Variants in IRAK1BP1 observed in about 807,000 individuals in gnomAD.
IRAK1BP1 encodes interleukin-1 receptor-associated kinase 1-binding protein 1.
A neutral mutation model predicts 28.0 loss-of-function variants in IRAK1BP1; 24 were observed. That is an observed-to-expected ratio of 0.86 (90% confidence interval 0.62 to 1.20). The LOEUF is 1.20. IRAK1BP1 is among the 50% of genes most tolerant of loss of function. The pLI is 0.00. For synonymous variants in IRAK1BP1, 131 were observed against 116.3 expected (o/e 1.13, Z -0.81); for missense variants, 336 against 316.7 (o/e 1.06, Z -0.46).
In IRAK1BP1 at chr6:78,898,327, AC is replaced by A; in HGVS notation, c.778del (p.Leu260PhefsTer41). ...AAGGGAAAAGAGAAGAGAAAAAAGC[AC>A]CTTTGAAATTCCAAACAAATTATAT... ...EVKGKEKRKKHL is the reference protein window; with the variant it reads ...EVKGKEKRKKXL On this transcript the variant is annotated frameshift_variant, in exon 4 of 4. Transcript: ENST00000369940. LOFTEE classifies it high-confidence loss of function. 6.5e-7 allele frequency: 1 copy of A among 1,527,078 alleles called. No individual in the cohort carries two copies. Among genetic ancestry groups the A allele is most frequent in the Non-Finnish European group, 8.9e-7 (1 of 1,126,898 alleles). 94.6% of individuals were successfully genotyped at this position (1,527,078 alleles called of 1,614,324 possible). A position where few individuals can be genotyped will look rare whatever the true frequency, so the allele number is the denominator to read the frequency against.
downstream of IRAK1BP1, among the ~76,000 whole-genome samples, chr6:78,906,615 A>G (rs1452910468): frequency 2.0e-5 from 3 of 152,178 alleles, no homozygotes; most frequent in African/African-American, 7.2e-5. Flanking sequence ...TTATTGACTC[A>G]CATTCCTCTA....
At chr6:78,952,456 A>G in the IRAK1BP1 span, among the ~76,000 whole-genome samples, 7 of 150,600 alleles carry the variant, frequency 4.6e-5, no homozygotes, top group Non-Finnish European at 7.4e-5. Context: ...AAAAAAAGGA[A>G]AAAAAAATTC....
At chr6:78,929,052 T>C (rs1181609328) in intron 4 of IRAK1BP1, among the ~76,000 whole-genome samples, 1 of 152,208 alleles carries the variant, frequency 6.6e-6, no homozygotes, top group Non-Finnish European at 1.5e-5. Context: ...TATTCCCTCC[T>C]CCTGTATTTT....
At chr6:78,950,870 T>C (rs2127686689), downstream of IRAK1BP1, among the ~76,000 whole-genome samples, 1 of 152,286 alleles carries the variant, frequency 6.6e-6, no homozygotes, top group East Asian at 1.9e-4. Flanking sequence ...TATTTCCTTT[T>C]GTTGGCTTAC....
intron 1 of IRAK1BP1, among the ~76,000 whole-genome samples, chr6:78,884,236 A>G (rs144782546): frequency 2.6e-5 from 4 of 152,182 alleles, no homozygotes; most frequent in African/African-American, 9.6e-5. Context: ...TAATTAGTTT[A>G]TATCTTAAAA....
rs147828969 is a variant in IRAK1BP1 at position 78,902,726 on chromosome 6, G to C, written c.*4392G>C. On this transcript the variant is annotated 3_prime_UTR_variant, in exon 4 of 4. Transcript: ENST00000369940. ...GCAGAGCTTACAGTGAGCCGAGATC[G>C]CACCACTGCACTTCAGCCTGGGTGA... 1 of 316,792 alleles carries C rather than the reference G, an allele frequency of 3.2e-6. No individual in the cohort carries two copies. The highest frequency in any genetic ancestry group is 5.3e-5 in the East Asian group (1 of 19,008). 19.6% of individuals were successfully genotyped at this position (316,792 alleles called of 1,614,324 possible). A position where few individuals can be genotyped will look rare whatever the true frequency, so the allele number is the denominator to read the frequency against.
Position 78,880,430 on chromosome 6 carries a change from C to T in IRAK1BP1, c.316-4948C>T, listed in dbSNP as rs541994007. On this transcript the variant is annotated intron_variant, in intron 1 of 3. Coordinates refer to ENST00000369940, the MANE Select transcript of IRAK1BP1 (RefSeq NM_001010844.4). ...ATGCTCAACCTGTGTTACCAAAAAG[C>T]ACAGTCCATGAAACAAACAAAAAGA... Among the ~76,000 whole-genome samples, 24 of 152,234 alleles carry T rather than the reference C, an allele frequency of 1.6e-4. 1 individual carries two copies. In the East Asian group the frequency reaches 4.4e-3, roughly 28 times the overall value.
chr6:78,877,942 G>C lies in IRAK1BP1; in HGVS notation c.316-7436G>C, dbSNP rs370647543. 5.9e-5 allele frequency among the ~76,000 whole-genome samples: 9 copies of C among 151,882 alleles called. No individual in the cohort carries two copies. The East Asian group carries it at 1.4e-3, about 23-fold the overall frequency. ...CTGTAAGGCAGCAGTGAGGGAGGGGGAGGGGCTCCGCCATTGCTGAGGCTT... is the reference window on the plus strand; with the variant it reads ...CTGTAAGGCAGCAGTGAGGGAGGGGCAGGGGCTCCGCCATTGCTGAGGCTT... On this transcript the variant is annotated intron_variant, in intron 1 of 3. Coordinates refer to ENST00000369940, the MANE Select transcript of IRAK1BP1 (RefSeq NM_001010844.4).
chr6:78,898,411 A>AATATATAT lies in IRAK1BP1; in HGVS notation c.*104_*111dup, dbSNP rs58937738. 3,596 of 86,316 alleles carry AATATATAT rather than the reference A, an allele frequency of 0.042. 298 individuals are homozygous for AATATATAT. Among genetic ancestry groups the AATATATAT allele is most frequent in the African/African-American group, 0.067 (1,029 of 15,392 alleles). The allele number at this position is 86,316 out of a possible 1,614,324, so 5.3% of individuals were successfully genotyped here. On this transcript the variant is annotated 3_prime_UTR_variant, in exon 4 of 4. Coordinates refer to ENST00000369940, the MANE Select transcript of IRAK1BP1 (RefSeq NM_001010844.4). Reference sequence around the variant, plus strand: ...TTTTATAATGTTTACGTTTGTCCTGAATATATATATATATATATATATATA... The same window carrying AATATATAT: ...TTTTATAATGTTTACGTTTGTCCTGAATATATATATATATATATATATATATATATATA...
chr6:78,888,355 C>T (rs1192026501), intron 2 of IRAK1BP1, among the ~76,000 whole-genome samples: 2 of 149,878 alleles, frequency 1.3e-5, no homozygotes, highest in Non-Finnish European at 3.0e-5. Flanking sequence ...TGTTATCATA[C>T]ACATACACAA....
At chr6:78,967,906 G>A in the IRAK1BP1 span, among the ~76,000 whole-genome samples, 7 of 152,076 alleles carry the variant, frequency 4.6e-5, no homozygotes, top group East Asian at 5.8e-4. Flanking sequence ...AGGCTGAGGC[G>A]GGCGGATCAC....
downstream of IRAK1BP1, among the ~76,000 whole-genome samples, chr6:78,949,686 C>CTT (rs374657247): frequency 6.8e-6 from 1 of 147,378 alleles, no homozygotes; most frequent in East Asian, 2.0e-4. Context: ...CTCTTTTTTA[C>CTT]TTTTTTTTTT....
chr6:78,958,685 T>C, the IRAK1BP1 span: 59 of 833,646 alleles, frequency 7.1e-5, 1 homozygote, highest in Non-Finnish European at 1.1e-4. Context: ...ATTCCAACTT[T>C]TCAACTTCAG....
chr6:78,885,277 T>A (rs1397906077), intron 1 of IRAK1BP1, 101 bp from the exon 2 acceptor site: 3 of 641,554 alleles, frequency 4.7e-6, no homozygotes, highest in Non-Finnish European at 8.2e-6. Context: ...TTGCATATTT[T>A]ATGTTTTTCT....
chr6:78,946,276 T>G, exon 5 of IRAK1BP1: 1 of 1,606,114 alleles, frequency 6.2e-7, no homozygotes. Flanking sequence ...AATAAAATAG[T>G]ATTGTCAGTC....
At chr6:78,894,839 T>G (rs946352451) in intron 2 of IRAK1BP1, among the ~76,000 whole-genome samples, 6 of 152,172 alleles carry the variant, frequency 3.9e-5, no homozygotes, top group Admixed American at 3.9e-4. Context: ...CCGGGCGCAG[T>G]GGCTCACACC....
At chr6:78,965,442 G>A in the IRAK1BP1 span, among the ~76,000 whole-genome samples, 2 of 152,160 alleles carry the variant, frequency 1.3e-5, no homozygotes, top group Non-Finnish European at 2.9e-5. Flanking sequence ...ACTTTCTTGG[G>A]TGAATAGTAA....
intron 4 of IRAK1BP1, among the ~76,000 whole-genome samples, chr6:78,942,415 G>A (rs983232774): frequency 2.6e-5 from 4 of 152,124 alleles, no homozygotes; most frequent in African/African-American, 9.7e-5. Context: ...CCCAGGAGGC[G>A]GAGGTTGCAG....
exon 5 of IRAK1BP1, chr6:78,946,322 T>G: frequency 1.3e-6 from 2 of 1,489,090 alleles, no homozygotes; most frequent in Non-Finnish European, 1.8e-6. Context: ...TAAAACAGTT[T>G]ATAATATTTT....
Sources: allele counts gnomAD v4.1 joint callset (sites outside exome capture counted in the v4.1 genomes callset), GRCh38; gene constraint gnomAD v4.1.1; transcripts MANE v1.5; gene names NCBI Gene and HGNC (gene_info 2026-07-23, HGNC 2026-07-21).